ADGRE1: variants seen among roughly 807,000 people sequenced by gnomAD.
ADGRE1 encodes the protein EGF-like module receptor 1.
ADGRE1 carries 82 observed loss-of-function variants against 102.7 expected under a neutral mutation model. The observed-to-expected ratio is 0.80, with a 90% CI of 0.67 to 0.96. The LOEUF (loss-of-function observed/expected upper bound fraction) is 0.96, where lower values mean the gene tolerates loss of function less well. ADGRE1 is among the 40% of genes least tolerant of loss of function. The probability of loss-of-function intolerance (pLI) is 0.00; values close to 1 mark genes in which losing one functional copy is unlikely to be tolerated. For missense variants in ADGRE1, 1,032 were observed against 1,085.3 expected (o/e 0.95, Z 0.69); for synonymous variants, 398 against 399.6 (o/e 1.00, Z 0.05).
intron 17 of ADGRE1, 79 bp from the exon 18 acceptor site, chr19:6,934,908 A>C: frequency 8.0e-6 from 8 of 998,388 alleles, no homozygotes; most frequent in Non-Finnish European, 1.1e-5. Context: ...CGCCCAGCCC[A>C]GAGTTCTCTT....
rs769165138 is a variant in ADGRE1, at chr19:6,898,442, C to T, written c.514+895C>T. 215 of 1,599,288 alleles carry T rather than the reference C, an allele frequency of 1.3e-4. 2 individuals carry two copies. The highest frequency in any genetic ancestry group is 3.1e-4 in the South Asian group (28 of 90,792). Reference sequence around the variant, plus strand: ...GGAAATGACTGGATCCCAGGAAAGCCGGGCAATTTCTCCTGTACTGGTGAT... The same window carrying T: ...GGAAATGACTGGATCCCAGGAAAGCTGGGCAATTTCTCCTGTACTGGTGAT... On this transcript the variant is annotated intron_variant, in intron 5 of 20. Transcript: ENST00000312053.
At chr19:6,935,253 C>T (rs141447897) in intron 18 of ADGRE1, among the ~76,000 whole-genome samples, 175 bp downstream of exon 18, 3 of 152,152 alleles carry the variant, frequency 2.0e-5, no homozygotes, top group Non-Finnish European at 2.9e-5. Context: ...CAACTATTTA[C>T]GAGCTGTGTG....
chr19:6,900,493 A>G lies in ADGRE1; in HGVS notation c.515-1382A>G, dbSNP rs1031670110. ...GAGCAAGACCTTGTCTCAAAAATAA[A>G]TATATAAATAAATATGTGTTGAATT... On this transcript the variant is annotated intron_variant, in intron 5 of 20. Transcript: ENST00000312053. 8.3e-4 allele frequency among the ~76,000 whole-genome samples: 127 copies of G among 152,136 alleles called. 6 individuals are homozygous for G.
chr19:6,940,025 G>T lies in ADGRE1; in HGVS notation c.2657G>T (p.Gly886Val), dbSNP rs1975607257. 1 of 1,613,764 alleles carries T rather than the reference G, an allele frequency of 6.2e-7. No individual in the cohort carries two copies. The highest frequency in any genetic ancestry group is 1.3e-5 in the African/African-American group (1 of 74,890). The change falls in exon 21 of 21, where the codon GGT becomes GTT. Residue 886 changes from glycine to valine, a missense_variant and splice_region_variant. By Grantham distance (109) the Gly-to-Val change is moderately radical. Transcript: ENST00000312053. ...LSSMPSASKT[G>V] is the part of the protein sequence containing the mutation. The stretch of plus-strand genomic sequence containing the variant: ...AGGAAATTCTTTTCTCTCTCACAGG[G>T]TTAAAGTCCTTTCTTGCTTTCAAAT...
intron 2 of ADGRE1, among the ~76,000 whole-genome samples, chr19:6,892,773 T>C (rs1272576049): frequency 1.3e-5 from 2 of 152,228 alleles, no homozygotes; most frequent in African/African-American, 4.8e-5. Flanking sequence ...CGGATTGCTA[T>C]TCGGCCATAA....
At chr19:6,911,385 G>GTTTCTTTTTTTTTTTTTTT (rs1974169693) in intron 10 of ADGRE1, among the ~76,000 whole-genome samples, 1 of 79,844 alleles carries the variant, frequency 1.3e-5, no homozygotes, top group Non-Finnish European at 2.3e-5. Context: ...ATTCCTTTTA[G>GTTTCTTTTTTTTTTTTTTT]TTTTTTTTTT....
intron 17 of ADGRE1, among the ~76,000 whole-genome samples, chr19:6,929,152 C>G (rs1975039975): frequency 6.6e-6 from 1 of 152,038 alleles, no homozygotes; most frequent in African/African-American, 2.4e-5. Context: ...AGGTTCGTTG[C>G]CTCATGCTAA....
intron 10 of ADGRE1, among the ~76,000 whole-genome samples, chr19:6,909,655 C>T (rs1421706368): frequency 1.3e-5 from 2 of 152,128 alleles, no homozygotes; most frequent in Non-Finnish European, 2.9e-5. Flanking sequence ...CATTATCCAT[C>T]TCAAGAACTT....
chr19:6,894,199 A>G (rs1178625718), intron 2 of ADGRE1, among the ~76,000 whole-genome samples: 1 of 152,134 alleles, frequency 6.6e-6, no homozygotes, highest in Non-Finnish European at 1.5e-5. Flanking sequence ...TCCAGGGATT[A>G]GGACATGGTC....
Position 6,937,556 on chromosome 19 carries a change from T to A in ADGRE1, c.2563T>A (p.Tyr855Asn), listed in dbSNP as rs201211452. ...TCTCCTTCTCCAGGTACGAGAAGAATACAAGAGGTGGATCACTGGGAAGAC... is the reference window on the plus strand; with the variant it reads ...TCTCCTTCTCCAGGTACGAGAAGAAAACAAGAGGTGGATCACTGGGAAGAC... ...CLLNGQVREE[Y>N]KRWITGKTKP... is the part of the protein sequence containing the mutation. Residue 855 changes from tyrosine to asparagine, a missense_variant, in exon 20 of 21, where the codon TAC becomes AAC. By Grantham distance (143) the Tyr-to-Asn change is moderately radical. Transcript: ENST00000312053. 3.7e-6 allele frequency: 6 copies of A among 1,612,170 alleles called. No individual in the cohort carries two copies. The highest frequency in any genetic ancestry group is 3.3e-5 in the Admixed American group (2 of 59,716).
At chr19:6,893,927 G>A (rs539701348) in intron 2 of ADGRE1, among the ~76,000 whole-genome samples, 248 of 152,252 alleles carry the variant, frequency 1.6e-3, no homozygotes, top group Non-Finnish European at 2.3e-3. Flanking sequence ...TGTATCTAGG[G>A]TCAACCATGT....
intron 13 of ADGRE1, 39 bp from the exon 14 acceptor site, chr19:6,921,674 C>G: frequency 6.6e-7 from 1 of 1,521,708 alleles, no homozygotes; most frequent in Non-Finnish European, 8.8e-7. Context: ...TGGGGATTCC[C>G]AGAAGACCTT....
intron 12 of ADGRE1, among the ~76,000 whole-genome samples, chr19:6,917,208 C>A (rs1158595136): frequency 6.6e-6 from 1 of 152,162 alleles, no homozygotes; most frequent in Admixed American, 6.5e-5. Context: ...GTTTTCCAGC[C>A]CCTGATCTGA....
chr19:6,933,112 T>A (rs1487762243), intron 17 of ADGRE1, among the ~76,000 whole-genome samples: 1 of 152,018 alleles, frequency 6.6e-6, no homozygotes, highest in Non-Finnish European at 1.5e-5. Context: ...TCCCAGCTAC[T>A]CAGGAGGCTG....
At position 6,935,008 on chromosome 19, in the gene ADGRE1, T is replaced by C; in HGVS notation, c.2311T>C (p.Trp771Arg). ...VIVINSLLLT[W>R]TLWILRQRLS... ...GCAGATCAACTCCCTTCTCCTGACC[T>C]GGACCTTGTGGATCCTGAGGCAGAG... is the stretch of plus-strand genomic sequence containing the variant. Residue 771 changes from tryptophan to arginine, a missense_variant, in exon 18 of 21, where the codon TGG (tryptophan) becomes CGG (arginine). Trp to Arg is a moderately radical substitution (Grantham distance 101, BLOSUM62 -3). Transcript: ENST00000312053. 6.3e-7 allele frequency: 1 copy of C among 1,594,122 alleles called. No homozygotes were observed. The highest frequency in any genetic ancestry group is 8.6e-7 in the Non-Finnish European group (1 of 1,169,502).
At chr19:6,920,994 C>T (rs964006939) in intron 13 of ADGRE1, among the ~76,000 whole-genome samples, 5 of 151,464 alleles carry the variant, frequency 3.3e-5, no homozygotes, top group African/African-American at 7.3e-5. Context: ...AATAAAAACA[C>T]GTTGAATGAG....
intron 18 of ADGRE1, 126 bp from the exon 19 acceptor site, chr19:6,937,117 C>A: frequency 9.7e-7 from 1 of 1,027,656 alleles, no homozygotes; most frequent in South Asian, 1.6e-5. Context: ...GGAGACCCCA[C>A]CCTACATTTG....
chr19:6,905,633 G>A (rs567815851), intron 8 of ADGRE1, among the ~76,000 whole-genome samples: 18 of 152,106 alleles, frequency 1.2e-4, no homozygotes, highest in African/African-American at 4.1e-4. Context: ...TTACAGGTGT[G>A]AGCCACCGTG....
In ADGRE1 at chr19:6,918,440, C is replaced by CA. The variant is rs368047931; in HGVS notation, c.1421-1098dup. On this transcript the variant is annotated intron_variant, in intron 12 of 20. Transcript: ENST00000312053. ...TGGGCAACAGAGCAAGACTCTGTCT[C>CA]AAAAAAAAAAGAAGATGGGAGAGGA... Among the ~76,000 whole-genome samples the CA allele has an allele frequency of 6.9e-3, 1,011 of 145,636 alleles. 21 individuals carry two copies. Among genetic ancestry groups the CA allele is most frequent in the African/African-American group, 0.023 (929 of 39,854 alleles).
Sources: gnomAD v4.1 joint callset for allele counts (sites outside exome capture counted in the v4.1 genomes callset) on GRCh38, gnomAD v4.1.1 for gene constraint, MANE v1.5 for transcripts, NCBI Gene and HGNC (gene_info 2026-07-23, HGNC 2026-07-21) for gene names.